The following CSMD1 variants were observed in gnomAD, a reference collection of about 807,000 sequenced individuals.
CSMD1 encodes CUB and sushi domain-containing protein 1.
A neutral mutation model predicts 417.5 loss-of-function variants in CSMD1; 213 were observed. The observed-to-expected ratio is 0.51, with a 90% CI of 0.46 to 0.57. The LOEUF (loss-of-function observed/expected upper bound fraction) is 0.57. Ranked by LOEUF, CSMD1 falls within the 20% of genes least tolerant of loss-of-function variation. The pLI is 0.00. For missense variants in CSMD1, 6,923 were observed against 4,529.7 expected, an observed-to-expected ratio of 1.53 and a Z score of -15.17; for synonymous variants, 2,862 against 1,736.8, an observed-to-expected ratio of 1.65 and a Z score of -16.11.
At chr8:4,668,225 A>G (rs897752462) in intron 1 of CSMD1, among the ~76,000 whole-genome samples, 4 of 151,938 alleles carry the variant, frequency 2.6e-5, no homozygotes, top group African/African-American at 4.8e-5. Context: ...AACTTTGATA[A>G]TGGGGCATTC....
At position 4,468,548 on chromosome 8, in the gene CSMD1, G is replaced by C. The variant is rs143755670; in HGVS notation, c.303-48483C>G. On this transcript the variant is annotated intron_variant, in intron 2 of 69. Coordinates refer to ENST00000635120, the MANE Select transcript of CSMD1 (RefSeq NM_033225.6). ...TACATGAAGGCATTTACACACTCTT[G>C]TCCCCAGCTAAATCCTCCTTCCTTG... Among the ~76,000 whole-genome samples the C allele has an allele frequency of 5.1e-3, 774 of 152,122 alleles. 8 individuals are homozygous for C. Among genetic ancestry groups the C allele is most frequent in the African/African-American group, 0.018 (738 of 41,488 alleles).
intron 3 of CSMD1, among the ~76,000 whole-genome samples, chr8:4,372,465 T>C (rs570792740): frequency 4.0e-5 from 6 of 151,652 alleles, no homozygotes; most frequent in Admixed American, 2.0e-4. Context: ...TCAAGGGCAA[T>C]AGTTAAGTGT....
At chr8:4,164,317 T>C (rs1212685969) in intron 3 of CSMD1, among the ~76,000 whole-genome samples, 1 of 152,178 alleles carries the variant, frequency 6.6e-6, no homozygotes. Flanking sequence ...TCCATCTACA[T>C]TTAAAAACAT....
At chr8:4,355,766 G>C (rs1036250969) in intron 3 of CSMD1, among the ~76,000 whole-genome samples, 1 of 152,144 alleles carries the variant, frequency 6.6e-6, no homozygotes. Flanking sequence ...TGTTTCTCCA[G>C]TGTCATTCAT....
At chr8:3,634,116 C>T (rs1035011507) in intron 7 of CSMD1, among the ~76,000 whole-genome samples, 5 of 152,172 alleles carry the variant, frequency 3.3e-5, no homozygotes, top group African/African-American at 9.7e-5. Flanking sequence ...AAGTTTGGTT[C>T]TTGACCTGAT....
At chr8:3,379,233 C>A (rs182662128) in intron 18 of CSMD1, among the ~76,000 whole-genome samples, 6 of 152,114 alleles carry the variant, frequency 3.9e-5, no homozygotes, top group African/African-American at 1.2e-4. Context: ...AACCACTGCT[C>A]AAGGAAATAA....
chr8:3,701,397 C>T (rs943070772), intron 7 of CSMD1, among the ~76,000 whole-genome samples: 1 of 152,110 alleles, frequency 6.6e-6, no homozygotes, highest in Non-Finnish European at 1.5e-5. Context: ...AGAGAGAGAA[C>T]AGTTGCGAAA....
In CSMD1 at chr8:4,287,746, G is replaced by T. The variant is rs1019033695; in HGVS notation, c.415+132207C>A. Among the ~76,000 whole-genome samples, 11 of 151,562 alleles carry T rather than the reference G, an allele frequency of 7.3e-5. 1 individual carries two copies. Among genetic ancestry groups the T allele is most frequent in the Admixed American group, 5.3e-4 (8 of 15,192 alleles). On this transcript the variant is annotated intron_variant, in intron 3 of 69. Coordinates refer to ENST00000635120, the MANE Select transcript of CSMD1 (RefSeq NM_033225.6). ...CAAGTTACACAACATCACACAAATA[G>T]CCACTGAAAGTGGACCCGGTCGGTT...
intron 8 of CSMD1, among the ~76,000 whole-genome samples, chr8:3,587,415 G>T (rs760986456): frequency 2.6e-5 from 4 of 152,276 alleles, no homozygotes; most frequent in Non-Finnish European, 5.9e-5. Flanking sequence ...TTGATGTTGA[G>T]GAAACAGAAT....
At position 3,750,712 on chromosome 8, in the gene CSMD1, C is replaced by T. The variant is rs191530662; in HGVS notation, c.931+3218G>A. 1.5e-3 allele frequency among the ~76,000 whole-genome samples: 222 copies of T among 152,216 alleles called. 1 individual carries two copies. Among genetic ancestry groups the T allele is most frequent in the African/African-American group, 5.1e-3 (213 of 41,532 alleles). On this transcript the variant is annotated intron_variant, in intron 6 of 69. Transcript: ENST00000635120. Reference sequence around the variant, plus strand: ...CCTCTGAAGGAACAAACTTGATGATCTTACTCGCAAAAAACCAGGACAGCC... The same window carrying T: ...CCTCTGAAGGAACAAACTTGATGATTTTACTCGCAAAAAACCAGGACAGCC...
At chr8:3,074,659 G>A (rs944839284) in intron 49 of CSMD1, among the ~76,000 whole-genome samples, 1 of 152,244 alleles carries the variant, frequency 6.6e-6, no homozygotes, top group Non-Finnish European at 1.5e-5. Flanking sequence ...GAATGAGTAT[G>A]CATGTCTGCA....
chr8:3,010,204 T>A (rs1322558113), intron 52 of CSMD1, among the ~76,000 whole-genome samples: 1 of 152,210 alleles, frequency 6.6e-6, no homozygotes, highest in Non-Finnish European at 1.5e-5. Context: ...AGGTTTCTCC[T>A]ACAATAGGAG....
intron 26 of CSMD1, among the ~76,000 whole-genome samples, chr8:3,268,725 A>C (rs1801619314): frequency 6.6e-6 from 1 of 152,084 alleles, no homozygotes; most frequent in Non-Finnish European, 1.5e-5. Flanking sequence ...TTCTTTCTCC[A>C]TGGGGTACTG....
intron 3 of CSMD1, among the ~76,000 whole-genome samples, chr8:4,149,262 C>A (rs1378115297): frequency 1.3e-5 from 2 of 152,150 alleles, no homozygotes; most frequent in African/African-American, 2.4e-5. Flanking sequence ...CTATGCCCAG[C>A]CCGTAATTTT....
intron 11 of CSMD1, among the ~76,000 whole-genome samples, chr8:3,486,422 T>C (rs1818038607): frequency 6.6e-6 from 1 of 152,214 alleles, no homozygotes; most frequent in African/African-American, 2.4e-5. Flanking sequence ...CGATGTTTAT[T>C]TGAGATGAAA....
At chr8:4,975,895 A>G (rs1366572099) in intron 1 of CSMD1, among the ~76,000 whole-genome samples, 1 of 152,224 alleles carries the variant, frequency 6.6e-6, no homozygotes, top group Non-Finnish European at 1.5e-5. Flanking sequence ...AGGATTAAAT[A>G]GTATTTCCTA....
chr8:3,799,743 G>C (rs887712527), intron 5 of CSMD1, among the ~76,000 whole-genome samples: 1 of 151,860 alleles, frequency 6.6e-6, no homozygotes, highest in South Asian at 2.1e-4. Flanking sequence ...TTTATAATAA[G>C]CTGTACAAAA....
intron 50 of CSMD1, among the ~76,000 whole-genome samples, chr8:3,041,598 GCAC>G (rs1366867280): frequency 6.6e-6 from 1 of 152,176 alleles, no homozygotes; most frequent in Non-Finnish European, 1.5e-5. Flanking sequence ...AAAGAAAACA[GCAC>G]CACATCTATC....
At chr8:4,282,310 G>GA (rs1796830398) in intron 3 of CSMD1, among the ~76,000 whole-genome samples, 1 of 152,156 alleles carries the variant, frequency 6.6e-6, no homozygotes, top group South Asian at 2.1e-4. Context: ...AGGAACACTG[G>GA]AGCACGCCCA....
Sources: gnomAD v4.1 joint callset for allele counts (sites outside exome capture counted in the v4.1 genomes callset) on GRCh38, gnomAD v4.1.1 for gene constraint, MANE v1.5 for transcripts, NCBI Gene and HGNC (gene_info 2026-07-23, HGNC 2026-07-21) for gene names.